The following VAT1L variants were observed in gnomAD, a reference collection of about 807,000 sequenced individuals.
VAT1L encodes vesicle amine transport 1 like, also known as putative NADPH-dependent quinone oxidoreductase VAT1L.
VAT1L carries 34 observed loss-of-function variants against 44.1 expected under a neutral mutation model. That is an observed-to-expected ratio of 0.77 (90% confidence interval 0.59 to 1.03). VAT1L has a LOEUF of 1.03. Among genes scored for constraint, VAT1L ranks in the 50% least tolerant of loss-of-function variants. The probability of loss-of-function intolerance (pLI) is 0.00; values close to 1 mark genes in which losing one functional copy is unlikely to be tolerated. For missense variants in VAT1L, 615 were observed against 538.8 expected (o/e 1.14, Z -1.40); for synonymous variants, 253 against 202.2 (o/e 1.25, Z -2.13).
chr16:77,906,390 C>A (rs2017436975), intron 7 of VAT1L, among the ~76,000 whole-genome samples: 1 of 152,208 alleles, frequency 6.6e-6, no homozygotes. Flanking sequence ...AGCATACTTA[C>A]CATTTTACAC....
chr16:77,937,797 A>G (rs1451387741), intron 7 of VAT1L, among the ~76,000 whole-genome samples: 1 of 152,230 alleles, frequency 6.6e-6, no homozygotes, highest in Non-Finnish European at 1.5e-5. Flanking sequence ...CTTGAATTAC[A>G]TAAGGGGAGG....
intron 8 of VAT1L, among the ~76,000 whole-genome samples, chr16:77,977,200 G>A (rs552000611): frequency 6.6e-6 from 1 of 152,224 alleles, no homozygotes; most frequent in East Asian, 1.9e-4. Flanking sequence ...GCCATAACAT[G>A]GCTTCCTCCT....
chr16:77,881,283 T>G (rs2017152165), intron 6 of VAT1L, among the ~76,000 whole-genome samples: 1 of 152,230 alleles, frequency 6.6e-6, no homozygotes, highest in Non-Finnish European at 1.5e-5. Context: ...TCTGAGCACC[T>G]GCTGTTTGTG....
At chr16:77,866,771 A>T (rs2016978789) in intron 4 of VAT1L, among the ~76,000 whole-genome samples, 2 of 152,216 alleles carry the variant, frequency 1.3e-5, no homozygotes, top group Non-Finnish European at 2.9e-5. Flanking sequence ...TACATCCGTT[A>T]CTTTCTCTCT....
intron 7 of VAT1L, among the ~76,000 whole-genome samples, chr16:77,936,465 G>T (rs562859680): frequency 6.6e-6 from 1 of 152,114 alleles, no homozygotes; most frequent in South Asian, 2.1e-4. Flanking sequence ...CAAAGAAAAC[G>T]ACCCAAGTGC....
intron 7 of VAT1L, among the ~76,000 whole-genome samples, chr16:77,944,239 G>A (rs1303752466): frequency 3.9e-5 from 6 of 152,080 alleles, no homozygotes; most frequent in African/African-American, 1.4e-4. Context: ...AAAAAACCCT[G>A]CTCTAAGGAT....
chr16:77,789,033 G>A (rs2145198584), intron 1 of VAT1L, 118 bp downstream of exon 1: 1 of 1,261,368 alleles, frequency 7.9e-7, no homozygotes, highest in Non-Finnish European at 1.1e-6. Context: ...CACCCCCTCC[G>A]CGCCCTCACC....
chr16:77,803,779 G>A (rs2016108042), intron 1 of VAT1L, among the ~76,000 whole-genome samples: 1 of 152,192 alleles, frequency 6.6e-6, no homozygotes, highest in East Asian at 1.9e-4. Flanking sequence ...TAGGAAAAAT[G>A]GACTATTTCT....
intron 7 of VAT1L, among the ~76,000 whole-genome samples, chr16:77,917,291 G>A (rs893392932): frequency 6.6e-6 from 1 of 152,122 alleles, no homozygotes; most frequent in African/African-American, 2.4e-5. Context: ...GAAGGGGCAA[G>A]CCATCCTGAG....
intron 4 of VAT1L, among the ~76,000 whole-genome samples, chr16:77,872,234 T>C (rs941210627): frequency 6.6e-6 from 1 of 152,070 alleles, no homozygotes; most frequent in African/African-American, 2.4e-5. Flanking sequence ...GAGCCACCCC[T>C]CTCCCCTGCG....
At chr16:77,804,677 C>T (rs1359156173) in intron 1 of VAT1L, among the ~76,000 whole-genome samples, 2 of 152,146 alleles carry the variant, frequency 1.3e-5, no homozygotes, top group African/African-American at 2.4e-5. Flanking sequence ...CTACGCTTTC[C>T]CCTCTCCTTC....
chr16:77,790,760 A>G (rs2145200888), intron 1 of VAT1L, among the ~76,000 whole-genome samples: 1 of 152,340 alleles, frequency 6.6e-6, no homozygotes, highest in African/African-American at 2.4e-5. Context: ...GGAAAATGAT[A>G]AAACTACTTT....
At chr16:77,845,920 C>T (rs2016754094) in intron 3 of VAT1L, among the ~76,000 whole-genome samples, 3 of 152,162 alleles carry the variant, frequency 2.0e-5, no homozygotes, top group Admixed American at 2.0e-4. Flanking sequence ...TCCATCCATC[C>T]AGCAGCTATG....
At chr16:77,840,013 C>G (rs1358004007) in intron 3 of VAT1L, among the ~76,000 whole-genome samples, 3 of 104,146 alleles carry the variant, frequency 2.9e-5, no homozygotes, top group Non-Finnish European at 6.4e-5. Context: ...TGATCTTAAT[C>G]AAGCTGCTTC....
chr16:77,923,362 A>G (rs921248455), intron 7 of VAT1L, among the ~76,000 whole-genome samples: 1 of 152,042 alleles, frequency 6.6e-6, no homozygotes, highest in African/African-American at 2.4e-5. Flanking sequence ...AGGCAGGAGA[A>G]TAGCTTGAAC....
chr16:77,895,696 G>A (rs9927270), intron 7 of VAT1L, among the ~76,000 whole-genome samples: 9 of 152,178 alleles, frequency 5.9e-5, no homozygotes, highest in South Asian at 2.1e-4. Flanking sequence ...GTAGTTTTAT[G>A]TAAATTTGAG....
intron 7 of VAT1L, among the ~76,000 whole-genome samples, chr16:77,962,739 A>AGAAAGAAGGAAGGAAGGAAG (rs1555523117): frequency 2.5e-4 from 32 of 129,328 alleles, no homozygotes; most frequent in African/African-American, 8.8e-4. Context: ...AAAGAAGGAA[A>AGAAAGAAGGAAGGAAGGAAG]GAAGGAAGGA....
intron 7 of VAT1L, among the ~76,000 whole-genome samples, chr16:77,971,141 C>A (rs972335776): frequency 6.6e-6 from 1 of 152,112 alleles, no homozygotes; most frequent in African/African-American, 2.4e-5. Flanking sequence ...TCATGCCTCC[C>A]TCCCCATCCC....
chr16:77,916,624 G>A (rs934335626), intron 7 of VAT1L, among the ~76,000 whole-genome samples: 4 of 152,078 alleles, frequency 2.6e-5, no homozygotes, highest in African/African-American at 7.2e-5. Context: ...TGTTCTGAGC[G>A]TTAAAAATAT....
Sources: allele counts gnomAD v4.1 joint callset (sites outside exome capture counted in the v4.1 genomes callset), GRCh38; gene constraint gnomAD v4.1.1; transcripts MANE v1.5; gene names NCBI Gene and HGNC (gene_info 2026-07-23, HGNC 2026-07-21).